Variants in MOK observed in about 807,000 individuals in gnomAD.
MOK encodes the protein MAPK/MAK/MRK overlapping kinase.
Under a neutral mutation model 54.2 loss-of-function variants are expected in MOK, and 59 were observed. That is an observed-to-expected ratio of 1.09 (90% CI 0.88 to 1.35). The LOEUF is 1.35. Ranked by LOEUF, MOK falls within the 40% of genes most tolerant of loss-of-function variation. The pLI is 0.00. For missense variants in MOK, 517 were observed against 526.2 expected (o/e 0.98, Z 0.17); for synonymous variants, 210 against 202.7 (o/e 1.04, Z -0.31).
chr14:102,224,389 G>A (rs913238186), downstream of MOK: 1 of 360,808 alleles, frequency 2.8e-6, no homozygotes, highest in Non-Finnish European at 5.4e-6. Flanking sequence ...GAGCATCTGA[G>A]TTTAGGGCAT....
intron 2 of MOK, among the ~76,000 whole-genome samples, chr14:102,268,643 C>T (rs1463915991): frequency 2.6e-5 from 4 of 152,062 alleles, no homozygotes; most frequent in Non-Finnish European, 4.4e-5. Flanking sequence ...CGGCTGGGCA[C>T]GGTGGCTCAT....
chr14:102,239,912 C>A (rs1172851943), intron 7 of MOK, among the ~76,000 whole-genome samples: 1 of 152,112 alleles, frequency 6.6e-6, no homozygotes, highest in East Asian at 1.9e-4. Flanking sequence ...TTAACCCAAC[C>A]AGCCTTAAAC....
intron 4 of MOK, among the ~76,000 whole-genome samples, chr14:102,258,794 G>A (rs746045889): frequency 5.3e-5 from 8 of 152,158 alleles, no homozygotes; most frequent in Non-Finnish European, 8.8e-5. Flanking sequence ...CAGGCTGGGC[G>A]CGGTGGCTCA....
intron 2 of MOK, 82 bp from the exon 3 acceptor site, chr14:102,265,994 A>G: frequency 9.8e-7 from 1 of 1,024,570 alleles, no homozygotes; most frequent in Non-Finnish European, 1.5e-6. Context: ...CCAGGATCAC[A>G]ATTTTAAAAC....
intron 1 of MOK, among the ~76,000 whole-genome samples, chr14:102,288,713 C>T (rs1290387338): frequency 6.6e-6 from 1 of 152,094 alleles, no homozygotes; most frequent in Admixed American, 6.6e-5. Context: ...ATTTCAATAA[C>T]TCCATTAAAA....
chr14:102,228,256 G>A (rs553520292), downstream of MOK, among the ~76,000 whole-genome samples: 72 of 152,332 alleles, frequency 4.7e-4, no homozygotes, highest in Admixed American at 1.4e-3. Flanking sequence ...TGACAACGTG[G>A]TCACCTTGAA....
chr14:102,217,978 C>T, the MOK span, among the ~76,000 whole-genome samples: 1 of 152,244 alleles, frequency 6.6e-6, no homozygotes, highest in Non-Finnish European at 1.5e-5. Flanking sequence ...AGGGCCAAGG[C>T]TGGCCTTCTC....
chr14:102,277,955 T>C (rs1346672733), intron 2 of MOK, among the ~76,000 whole-genome samples: 3 of 152,168 alleles, frequency 2.0e-5, no homozygotes, highest in African/African-American at 7.2e-5. Context: ...AATGGGATGA[T>C]ATGAGGAGGT....
downstream of MOK, chr14:102,224,628 T>C (rs1284638258): frequency 1.1e-5 from 5 of 455,926 alleles, no homozygotes; most frequent in Admixed American, 7.0e-5. Flanking sequence ...TGCTACATTT[T>C]CACCATTTGT....
At chr14:102,281,078 C>T (rs1186364922) in intron 2 of MOK, among the ~76,000 whole-genome samples, 1 of 152,144 alleles carries the variant, frequency 6.6e-6, no homozygotes, top group African/African-American at 2.4e-5. Flanking sequence ...AATCCCTGCA[C>T]TTTGGGAGGC....
At chr14:102,259,953 G>A (rs973798894) in intron 4 of MOK, among the ~76,000 whole-genome samples, 11 of 152,228 alleles carry the variant, frequency 7.2e-5, no homozygotes, top group Middle Eastern at 3.4e-3. Flanking sequence ...CAAGGTGGGC[G>A]GATCACCTGA....
At chr14:102,260,634 C>G (rs964996822) in intron 4 of MOK, 1 of 152,118 alleles carries the variant, frequency 6.6e-6, no homozygotes, top group Non-Finnish European at 1.5e-5. Flanking sequence ...ATGTTGCTCA[C>G]AGCATCTCAG....
In MOK at chr14:102,240,879, C is replaced by T. The variant is rs950818920; in HGVS notation, c.591-7090G>A. Among the ~76,000 whole-genome samples the T allele has an allele frequency of 1.3e-5, 2 of 152,214 alleles. No individual in the cohort carries two copies. Among genetic ancestry groups the T allele is most frequent in the African/African-American group, 4.8e-5 (2 of 41,458 alleles). On this transcript the variant is annotated intron_variant, in intron 7 of 11. Transcript: ENST00000361847. This position sits in a 1 kb window ranked among gnomAD's most constrained non-coding sequence, Gnocchi z 5.4. ...GCTTCACTATGGGCAACCTTCCACCCTCCATTCCCCCTTCTTCTTCCTTAG... is the reference window on the plus strand; with the variant it reads ...GCTTCACTATGGGCAACCTTCCACCTTCCATTCCCCCTTCTTCTTCCTTAG...
downstream of MOK, among the ~76,000 whole-genome samples, chr14:102,228,556 C>T (rs140553057): frequency 3.9e-3 from 588 of 152,060 alleles, 4 homozygotes; most frequent in African/African-American, 0.014. Flanking sequence ...AAAAATCAGC[C>T]GGGCGTGGTG....
chr14:102,233,687 C>T lies in MOK; in HGVS notation c.692+1G>A. The T allele has an allele frequency of 6.2e-7, 1 of 1,610,562 alleles. No individual in the cohort carries two copies. The highest frequency in any genetic ancestry group is 1.3e-5 in the African/African-American group (1 of 74,974). The stretch of plus-strand genomic sequence containing the variant: ...ATCCACTCTCAGAACACAATACTTA[C>T]TGTTTGAACTTGGTGAGGATCTTCT... On this transcript the variant is annotated splice_donor_variant, in intron 8 of 11. Coordinates refer to ENST00000361847, the MANE Select transcript of MOK (RefSeq NM_014226.3). LOFTEE classifies it high-confidence loss of function.
At chr14:102,285,404 G>A (rs2069934262) in intron 1 of MOK, among the ~76,000 whole-genome samples, 1 of 152,126 alleles carries the variant, frequency 6.6e-6, no homozygotes, top group African/African-American at 2.4e-5. Flanking sequence ...CGCTGAAGGT[G>A]GGCATCCTCT....
At chr14:102,253,301 C>T (rs573955674) in intron 4 of MOK, among the ~76,000 whole-genome samples, 29 of 152,312 alleles carry the variant, frequency 1.9e-4, no homozygotes, top group Middle Eastern at 6.8e-3. Context: ...GCTCTGTGAA[C>T]ATTCAGAGCG....
chr14:102,253,351 G>A (rs747951092), intron 4 of MOK, among the ~76,000 whole-genome samples: 8 of 152,214 alleles, frequency 5.3e-5, no homozygotes, highest in Admixed American at 1.3e-4. Flanking sequence ...CTGAGCAATC[G>A]TCACACAAGT....
Position 102,245,640 on chromosome 14 carries a change from C to T in MOK, c.590+5172G>A, listed in dbSNP as rs375865846. ...CACTACCTACCCAAATCCTCTACAACGGCCCCACCCCTATCTCCCTTCGAT... is the reference window on the plus strand; with the variant it reads ...CACTACCTACCCAAATCCTCTACAATGGCCCCACCCCTATCTCCCTTCGAT... On this transcript the variant is annotated intron_variant, in intron 7 of 11. Coordinates refer to ENST00000361847, the MANE Select transcript of MOK (RefSeq NM_014226.3). The surrounding 1 kb of genome is among the most constrained non-coding windows in gnomAD (Gnocchi z 4.3). Among the ~76,000 whole-genome samples the T allele has an allele frequency of 1.1e-4, 17 of 152,162 alleles. No homozygotes were observed. The highest frequency in any genetic ancestry group is 3.6e-4 in the African/African-American group (15 of 41,506).
Sources: gnomAD v4.1 joint callset for allele counts (sites outside exome capture counted in the v4.1 genomes callset) on GRCh38, gnomAD v4.1.1 for gene constraint, Gnocchi (gnomAD v3.1) non-coding constraint, MANE v1.5 for transcripts, NCBI Gene and HGNC (gene_info 2026-07-23, HGNC 2026-07-21) for gene names.